Variants in DLGAP1 observed in about 807,000 individuals in gnomAD.
DLGAP1 encodes disks large-associated protein 1.
DLGAP1 carries 11 observed loss-of-function variants against 90.8 expected under a neutral mutation model. The ratio of observed to expected loss-of-function variants is 0.12; its 90% CI spans 0.08 to 0.20. The LOEUF is 0.20. DLGAP1 is among the 10% of genes least tolerant of loss of function. The probability of loss-of-function intolerance (pLI) is 1.00; values close to 1 mark genes in which losing one functional copy is unlikely to be tolerated. For synonymous variants in DLGAP1, 558 were observed against 540.7 expected (o/e 1.03, Z -0.44); for missense variants, 1,050 against 1,333.8 (o/e 0.79, Z 3.31).
intron 2 of DLGAP1, among the ~76,000 whole-genome samples, chr18:4,045,457 A>AAAAAAAAAAAAAAAAAAAAAAAAAC (rs2075037875): frequency 7.2e-6 from 1 of 139,362 alleles, no homozygotes; most frequent in African/African-American, 2.7e-5. Flanking sequence ...AAAAAAAAAA[A>AAAAAAAAAAAAAAAAAAAAAAAAAC]AAAAAAAAGC....
intron 4 of DLGAP1, among the ~76,000 whole-genome samples, chr18:3,848,817 T>C (rs1480212790): frequency 6.6e-6 from 1 of 152,232 alleles, no homozygotes; most frequent in Non-Finnish European, 1.5e-5. Flanking sequence ...ACATTTGTCT[T>C]CTAACCGATT....
intron 4 of DLGAP1, among the ~76,000 whole-genome samples, chr18:3,851,450 T>C (rs1004681452): frequency 2.0e-5 from 3 of 152,242 alleles, no homozygotes; most frequent in African/African-American, 7.2e-5. Flanking sequence ...GAAGAAACAA[T>C]TGTAGCAGCA....
chr18:3,887,269 C>G (rs925988974), intron 3 of DLGAP1, among the ~76,000 whole-genome samples: 2 of 152,140 alleles, frequency 1.3e-5, no homozygotes, highest in Non-Finnish European at 2.9e-5. Context: ...GCACCTGTTC[C>G]TAAGTGAGAC....
intron 1 of DLGAP1, among the ~76,000 whole-genome samples, chr18:4,258,010 T>TGTGC (rs529531621): frequency 0.019 from 2,588 of 137,022 alleles, 48 homozygotes; most frequent in African/African-American, 0.054. Context: ...TGTGTGTGTG[T>TGTGC]GCGCGCGCGC....
intron 1 of DLGAP1, among the ~76,000 whole-genome samples, chr18:4,220,804 T>C (rs994126594): frequency 2.6e-5 from 4 of 152,184 alleles, no homozygotes; most frequent in African/African-American, 7.2e-5. Flanking sequence ...AAATTCTTTC[T>C]ATCTAGGTCC....
At chr18:3,982,919 A>G (rs1369999395) in intron 3 of DLGAP1, among the ~76,000 whole-genome samples, 2 of 152,174 alleles carry the variant, frequency 1.3e-5, no homozygotes, top group Non-Finnish European at 2.9e-5. Context: ...GTCATTTTCT[A>G]TAATTACTAA....
At position 4,148,655 on chromosome 18, in the gene DLGAP1, A is replaced by T. The variant is rs374090499; in HGVS notation, c.-159+2525T>A. Among the ~76,000 whole-genome samples, 35 of 152,316 alleles carry T rather than the reference A, an allele frequency of 2.3e-4. 2 individuals carry two copies. Among genetic ancestry groups the T allele is most frequent in the Admixed American group, 4.6e-4 (7 of 15,298 alleles). On this transcript the variant is annotated intron_variant, in intron 2 of 12. Transcript: ENST00000315677. ...GCTCTTTTTGGTATTTCTGCCTAGC[A>T]TCTGCTACGACTTTCCTGGTTTCCC... is the stretch of plus-strand genomic sequence containing the variant.
At chr18:3,992,928 G>C (rs1253397910) in intron 3 of DLGAP1, among the ~76,000 whole-genome samples, 1 of 152,046 alleles carries the variant, frequency 6.6e-6, no homozygotes, top group African/African-American at 2.4e-5. Context: ...CTGCTCCTGG[G>C]GCAGGTAACA....
chr18:3,883,720 C>T (rs976484159), intron 3 of DLGAP1, among the ~76,000 whole-genome samples: 5 of 152,214 alleles, frequency 3.3e-5, no homozygotes, highest in African/African-American at 1.2e-4. Context: ...CCAGGCTGGG[C>T]AAGGCCAAGG....
intron 8 of DLGAP1, among the ~76,000 whole-genome samples, chr18:3,572,069 G>GT (rs67491547): frequency 0.031 from 3,274 of 105,682 alleles, 21 homozygotes; most frequent in African/African-American, 0.054. Flanking sequence ...TTTCTTCTAG[G>GT]TTTTTTTTTT....
intron 7 of DLGAP1, among the ~76,000 whole-genome samples, chr18:3,700,782 T>C (rs2061255969): frequency 6.6e-6 from 1 of 152,038 alleles, no homozygotes; most frequent in Admixed American, 6.6e-5. Context: ...GCTAATTTTT[T>C]GTACTTTTGG....
chr18:3,834,172 G>T (rs1199502397), intron 4 of DLGAP1, among the ~76,000 whole-genome samples: 1 of 151,892 alleles, frequency 6.6e-6, no homozygotes, highest in Admixed American at 6.5e-5. Context: ...CGGGTGTGGT[G>T]GCGGGCACCT....
intron 2 of DLGAP1, among the ~76,000 whole-genome samples, chr18:4,142,420 T>C (rs1322917687): frequency 6.6e-6 from 1 of 152,200 alleles, no homozygotes; most frequent in Non-Finnish European, 1.5e-5. Flanking sequence ...TATCTATATC[T>C]GTCTGTATCT....
At chr18:4,255,040 C>A (rs1213248843) in intron 1 of DLGAP1, among the ~76,000 whole-genome samples, 1 of 152,170 alleles carries the variant, frequency 6.6e-6, no homozygotes, top group Non-Finnish European at 1.5e-5. Context: ...AGTGAGGAAA[C>A]CAGCCTGGGC....
At chr18:4,289,493 C>T (rs2079792167) in intron 1 of DLGAP1, among the ~76,000 whole-genome samples, 2 of 152,166 alleles carry the variant, frequency 1.3e-5, no homozygotes, top group Admixed American at 6.5e-5. Flanking sequence ...TGAATTCTGA[C>T]TGTGTCAACT....
intron 1 of DLGAP1, among the ~76,000 whole-genome samples, chr18:4,390,937 C>T (rs1356913847): frequency 1.3e-5 from 2 of 152,180 alleles, no homozygotes; most frequent in African/African-American, 4.8e-5. Context: ...CTCCATCAGC[C>T]TGCGCTCATC....
At chr18:4,324,155 T>A (rs1247229968) in intron 1 of DLGAP1, among the ~76,000 whole-genome samples, 1 of 151,720 alleles carries the variant, frequency 6.6e-6, no homozygotes, top group Non-Finnish European at 1.5e-5. Context: ...AAGATCCAAG[T>A]AAACACAATT....
intron 8 of DLGAP1, chr18:3,580,871 T>G: frequency 9.6e-7 from 1 of 1,046,232 alleles, no homozygotes; most frequent in African/African-American, 1.6e-5. Flanking sequence ...TGGCCGGTTG[T>G]ACCCTGCAGT....
At chr18:3,644,503 C>T (rs373164438) in intron 7 of DLGAP1, among the ~76,000 whole-genome samples, 13 of 152,112 alleles carry the variant, frequency 8.5e-5, no homozygotes, top group East Asian at 3.9e-4. Flanking sequence ...CTCCGCCTCC[C>T]GGGTTCAAGT....
Sources: allele counts gnomAD v4.1 joint callset (sites outside exome capture counted in the v4.1 genomes callset), GRCh38; gene constraint gnomAD v4.1.1; transcripts MANE v1.5; gene names NCBI Gene and HGNC (gene_info 2026-07-23, HGNC 2026-07-21).